The following MMP16 variants were observed in gnomAD, a reference collection of about 807,000 sequenced individuals.
MMP16 encodes matrix metalloproteinase-16.
In MMP16, 12 loss-of-function variants were observed where a neutral mutation model predicts 67.8. The ratio of observed to expected loss-of-function variants is 0.18; its 90% CI spans 0.11 to 0.29. The LOEUF is 0.29. MMP16 is among the 10% of genes least tolerant of loss of function. The pLI is 1.00. For missense variants in MMP16, 475 were observed against 765.7 expected, an observed-to-expected ratio of 0.62 and a Z score of 4.48; for synonymous variants, 249 against 255.9, an observed-to-expected ratio of 0.97 and a Z score of 0.26.
chr8:88,235,487 A>T (rs993381073), intron 1 of MMP16, among the ~76,000 whole-genome samples: 10 of 152,114 alleles, frequency 6.6e-5, no homozygotes, highest in Non-Finnish European at 1.2e-4. Context: ...CTGCTAGTTA[A>T]ACTTAGAAAC....
intron 2 of MMP16, among the ~76,000 whole-genome samples, chr8:88,190,679 A>C (rs1164780130): frequency 3.3e-5 from 5 of 152,230 alleles, no homozygotes; most frequent in Admixed American, 2.0e-4. Context: ...ACAGGAATAT[A>C]TAACTATATC....
intron 4 of MMP16, among the ~76,000 whole-genome samples, chr8:88,131,259 A>G (rs917215579): frequency 7.4e-6 from 1 of 134,698 alleles, no homozygotes; most frequent in African/African-American, 2.9e-5. Flanking sequence ...ATGACTATCT[A>G]TAGTATTATA....
At chr8:88,277,072 A>T (rs775322555) in intron 1 of MMP16, among the ~76,000 whole-genome samples, 3 of 152,188 alleles carry the variant, frequency 2.0e-5, no homozygotes, top group African/African-American at 4.8e-5. Context: ...TATACAGTTT[A>T]AAAGAGAAGT....
At position 88,106,008 on chromosome 8, in the gene MMP16, AC is replaced by A. The variant is rs1409424802; in HGVS notation, c.1083+10498del. ...TTTGTATATATGCAAATACATATACACACACATGCATATATATACGTGTATA... is the reference window on the plus strand; with the variant it reads ...TTTGTATATATGCAAATACATATACAACACATGCATATATATACGTGTATA... On this transcript the variant is annotated intron_variant, in intron 6 of 9. Transcript: ENST00000286614. Among the ~76,000 whole-genome samples, 6 of 149,656 alleles carry A rather than the reference AC, an allele frequency of 4.0e-5. No homozygotes were observed. The East Asian group carries it at 1.2e-3, about 30-fold the overall frequency.
intron 4 of MMP16, among the ~76,000 whole-genome samples, chr8:88,149,279 G>A (rs1269303963): frequency 6.6e-6 from 1 of 152,206 alleles, no homozygotes; most frequent in African/African-American, 2.4e-5. Flanking sequence ...CAGCGAGGCT[G>A]GGTGAGGGGC....
intron 6 of MMP16, among the ~76,000 whole-genome samples, chr8:88,094,557 T>A (rs1163763443): frequency 6.6e-6 from 1 of 151,528 alleles, no homozygotes; most frequent in Non-Finnish European, 1.5e-5. Context: ...TTAGTTTTTG[T>A]TGCAAAGATC....
intron 1 of MMP16, among the ~76,000 whole-genome samples, chr8:88,263,483 G>C (rs769276168): frequency 6.6e-6 from 1 of 152,210 alleles, no homozygotes; most frequent in East Asian, 1.9e-4. Context: ...TCACAGACTG[G>C]GTGGCTTAAA....
At chr8:88,051,707 C>G (rs145084940) in intron 8 of MMP16, among the ~76,000 whole-genome samples, 2 of 151,942 alleles carry the variant, frequency 1.3e-5, no homozygotes, top group African/African-American at 4.8e-5. Flanking sequence ...CTGTTAGTGA[C>G]GATAATAATT....
At chr8:88,220,283 TTGTG>T (rs560440276) in intron 1 of MMP16, among the ~76,000 whole-genome samples, 94 of 152,158 alleles carry the variant, frequency 6.2e-4, no homozygotes, top group Non-Finnish European at 1.1e-3. Context: ...AATCCAAACA[TTGTG>T]TGTGTTTTGT....
In MMP16 at chr8:88,039,874, G is replaced by C. The variant is rs1254557623; in HGVS notation, c.*1587C>G. 6.6e-6 allele frequency: 1 copy of C among 152,634 alleles called. No homozygotes were observed. The highest frequency in any genetic ancestry group is 1.5e-5 in the Non-Finnish European group (1 of 68,036). The allele number at this position is 152,634 out of a possible 1,614,324, so 9.5% of individuals were successfully genotyped here. On this transcript the variant is annotated 3_prime_UTR_variant, in exon 10 of 10. Transcript: ENST00000286614. This position sits in a 1 kb window ranked among gnomAD's most constrained non-coding sequence, Gnocchi z 4.5. ...GTCACATGAAAATGACAATACTGCT[G>C]TTAGGACAAATTACACTCAACAATG...
intron 2 of MMP16, 28 bp from the exon 3 acceptor site, chr8:88,186,626 A>T: frequency 2.1e-6 from 3 of 1,450,846 alleles, no homozygotes; most frequent in Non-Finnish European, 2.8e-6. Context: ...AAAAAAAAAA[A>T]GCAGTATTTT....
intron 1 of MMP16, among the ~76,000 whole-genome samples, chr8:88,242,174 C>T (rs905463063): frequency 4.6e-5 from 7 of 152,138 alleles, no homozygotes; most frequent in Non-Finnish European, 1.0e-4. Flanking sequence ...GATAATGTAA[C>T]AGCTATCTTT....
At chr8:88,192,303 G>A (rs935949782) in intron 2 of MMP16, among the ~76,000 whole-genome samples, 15 of 152,112 alleles carry the variant, frequency 9.9e-5, no homozygotes, top group African/African-American at 3.1e-4. Flanking sequence ...TTAACTGCCT[G>A]TATAGACACA....
chr8:88,120,190 A>G (rs1807798099), intron 4 of MMP16, among the ~76,000 whole-genome samples: 1 of 152,010 alleles, frequency 6.6e-6, no homozygotes. Flanking sequence ...AAGAAAAAAA[A>G]GAAAACAGAA....
At chr8:88,121,503 G>A (rs762764138) in intron 4 of MMP16, among the ~76,000 whole-genome samples, 1 of 152,006 alleles carries the variant, frequency 6.6e-6, no homozygotes, top group Non-Finnish European at 1.5e-5. Flanking sequence ...GTTGGCACAT[G>A]ACAAGCTTCA....
chr8:88,093,701 A>G lies in MMP16; in HGVS notation c.1084-18958T>C, dbSNP rs28906386. Among the ~76,000 whole-genome samples, 287 of 151,998 alleles carry G rather than the reference A, an allele frequency of 1.9e-3. 10 individuals carry two copies. The East Asian group carries it at 0.048, about 25-fold the overall frequency. On this transcript the variant is annotated intron_variant, in intron 6 of 9. Transcript: ENST00000286614. The stretch of plus-strand genomic sequence containing the variant: ...TGGATGATATTTTAAAATAACCCTC[A>G]AGCAGCATTTTTAATAGCACAGGAG...
At chr8:88,047,167 T>G (rs1382718092) in intron 8 of MMP16, among the ~76,000 whole-genome samples, 2 of 152,200 alleles carry the variant, frequency 1.3e-5, no homozygotes, top group Non-Finnish European at 2.9e-5. Context: ...TTCATGAGTT[T>G]TTAAAAAACC....
chr8:88,191,618 T>G (rs1163497962), intron 2 of MMP16, among the ~76,000 whole-genome samples: 1 of 152,162 alleles, frequency 6.6e-6, no homozygotes, highest in Non-Finnish European at 1.5e-5. Flanking sequence ...CTGTTTTATG[T>G]AAATAAAGTA....
intron 1 of MMP16, among the ~76,000 whole-genome samples, chr8:88,228,354 T>A (rs923561424): frequency 2.0e-5 from 3 of 152,106 alleles, no homozygotes; most frequent in African/African-American, 7.2e-5. Flanking sequence ...TCAAAATAAC[T>A]GCAGAACGAT....
Sources: allele counts gnomAD v4.1 joint callset (sites outside exome capture counted in the v4.1 genomes callset), GRCh38; gene constraint gnomAD v4.1.1; non-coding constraint Gnocchi (gnomAD v3.1); transcripts MANE v1.5; gene names NCBI Gene and HGNC (gene_info 2026-07-23, HGNC 2026-07-21).